EXOC4: variants seen among roughly 807,000 people sequenced by gnomAD.
The protein encoded by EXOC4 is exocyst complex component 4, also known as SEC8-like 1.
EXOC4 carries 71 observed loss-of-function variants against 107.2 expected under a neutral mutation model. That is an observed-to-expected ratio of 0.66 (90% CI 0.55 to 0.81). The LOEUF (loss-of-function observed/expected upper bound fraction) is 0.81. Ranked by LOEUF, EXOC4 falls within the 30% of genes least tolerant of loss-of-function variation. The pLI is 0.00. For synonymous variants in EXOC4, 456 were observed against 441.2 expected (o/e 1.03, Z -0.42); for missense variants, 1,108 against 1,189.6 (o/e 0.93, Z 1.01).
chr7:133,347,372 T>G (rs1256419852), intron 5 of EXOC4, among the ~76,000 whole-genome samples: 1 of 151,680 alleles, frequency 6.6e-6, no homozygotes. Flanking sequence ...ACCTCCCGAG[T>G]AGCTGGGACT....
At chr7:133,416,156 CT>C (rs1315294068) in intron 7 of EXOC4, among the ~76,000 whole-genome samples, 2 of 152,014 alleles carry the variant, frequency 1.3e-5, no homozygotes, top group African/African-American at 4.8e-5. Flanking sequence ...AATATATGCT[CT>C]ATGAGAAAAA....
intron 7 of EXOC4, among the ~76,000 whole-genome samples, chr7:133,376,598 C>G (rs1043206571): frequency 6.6e-6 from 1 of 152,170 alleles, no homozygotes; most frequent in Non-Finnish European, 1.5e-5. Flanking sequence ...AAACTATTAG[C>G]CCTTTGGTCA....
chr7:134,033,959 G>A (rs1204998683), intron 17 of EXOC4, among the ~76,000 whole-genome samples: 1 of 152,196 alleles, frequency 6.6e-6, no homozygotes, highest in Non-Finnish European at 1.5e-5. Context: ...GGCATCTTCA[G>A]ATTTATAAAG....
chr7:134,013,107 G>A (rs1234200972), intron 17 of EXOC4, among the ~76,000 whole-genome samples: 1 of 152,138 alleles, frequency 6.6e-6, no homozygotes, highest in Admixed American at 6.5e-5. Flanking sequence ...TCTACGGTAG[G>A]GTTTGATGTC....
chr7:133,461,722 A>G lies in EXOC4; in HGVS notation c.1183-13606A>G, dbSNP rs191110623. On this transcript the variant is annotated intron_variant, in intron 7 of 17. Coordinates refer to ENST00000253861, the MANE Select transcript of EXOC4 (RefSeq NM_021807.4). The stretch of plus-strand genomic sequence containing the variant: ...ACCTCAAAAAGCCTGAAGTTTCACC[A>G]TGGGTGTTGTAGTTGTACTCCAAGG... 2.9e-4 allele frequency among the ~76,000 whole-genome samples: 44 copies of G among 152,310 alleles called. 1 individual carries two copies. The highest frequency in any genetic ancestry group is 1.1e-3 in the African/African-American group (44 of 41,578).
intron 12 of EXOC4, among the ~76,000 whole-genome samples, chr7:133,909,919 A>ATTTTTTTTTTTTTTTTTT (rs764890539): frequency 1.3e-5 from 1 of 75,476 alleles, no homozygotes; most frequent in Non-Finnish European, 2.4e-5. Flanking sequence ...GTTGAGACAG[A>ATTTTTTTTTTTTTTTTTT]TTTTTTTTTT....
At chr7:133,261,043 A>G (rs1411298282) in intron 1 of EXOC4, among the ~76,000 whole-genome samples, 3 of 152,042 alleles carry the variant, frequency 2.0e-5, no homozygotes, top group Non-Finnish European at 2.9e-5. Flanking sequence ...ATACTTTTCA[A>G]TCTAAGATAC....
At chr7:133,450,512 A>T (rs535901686) in intron 7 of EXOC4, among the ~76,000 whole-genome samples, 1 of 151,876 alleles carries the variant, frequency 6.6e-6, no homozygotes, top group South Asian at 2.1e-4. Flanking sequence ...TTCCCTGTTT[A>T]CTCATTCTCA....
At chr7:133,693,890 T>C (rs1249320407) in intron 10 of EXOC4, among the ~76,000 whole-genome samples, 1 of 152,092 alleles carries the variant, frequency 6.6e-6, no homozygotes, top group Admixed American at 6.5e-5. Context: ...GGCCAGGTTG[T>C]GTAGGGGTGT....
At chr7:133,975,336 A>G (rs1793805605) in intron 14 of EXOC4, among the ~76,000 whole-genome samples, 1 of 152,174 alleles carries the variant, frequency 6.6e-6, no homozygotes, top group South Asian at 2.1e-4. Context: ...CAGCCAAACT[A>G]GAATACTAGA....
At chr7:133,338,164 A>T (rs976144321) in intron 5 of EXOC4, among the ~76,000 whole-genome samples, 5 of 151,952 alleles carry the variant, frequency 3.3e-5, no homozygotes, top group Non-Finnish European at 7.4e-5. Flanking sequence ...TTCGAGCTAG[A>T]TATTTAAATC....
At chr7:133,654,124 C>T (rs902204021) in intron 10 of EXOC4, among the ~76,000 whole-genome samples, 6 of 152,090 alleles carry the variant, frequency 3.9e-5, no homozygotes, top group African/African-American at 9.7e-5. Context: ...ATTACAGCAC[C>T]GGTTCTATGC....
At chr7:133,450,066 G>A (rs767242834) in intron 7 of EXOC4, among the ~76,000 whole-genome samples, 2 of 151,904 alleles carry the variant, frequency 1.3e-5, no homozygotes, top group Non-Finnish European at 2.9e-5. Context: ...CTTCCAGCCT[G>A]TTTTCTCTTT....
intron 7 of EXOC4, among the ~76,000 whole-genome samples, chr7:133,469,234 G>T (rs895004362): frequency 6.6e-6 from 1 of 152,068 alleles, no homozygotes; most frequent in African/African-American, 2.4e-5. Context: ...TGGCTAACAC[G>T]GTGAAACCCC....
chr7:133,923,758 T>G (rs1452527426), intron 13 of EXOC4, among the ~76,000 whole-genome samples: 1 of 152,208 alleles, frequency 6.6e-6, no homozygotes, highest in African/African-American at 2.4e-5. Context: ...TTTTAAAGTT[T>G]TAATAAATTT....
chr7:133,568,514 T>G (rs1279335225), intron 9 of EXOC4, among the ~76,000 whole-genome samples: 2 of 152,224 alleles, frequency 1.3e-5, no homozygotes, highest in Non-Finnish European at 2.9e-5. Flanking sequence ...TCAATTTGTT[T>G]GGCAATTATC....
intron 10 of EXOC4, among the ~76,000 whole-genome samples, chr7:133,781,067 GCTGT>G (rs1406031719): frequency 6.6e-6 from 1 of 152,210 alleles, no homozygotes; most frequent in African/African-American, 2.4e-5. Flanking sequence ...AGTAGAATAT[GCTGT>G]CTGTGTTCCT....
intron 5 of EXOC4, among the ~76,000 whole-genome samples, chr7:133,355,206 A>G (rs1795996157): frequency 6.6e-6 from 1 of 152,200 alleles, no homozygotes; most frequent in Admixed American, 6.5e-5. Flanking sequence ...TAAATCTACT[A>G]AGGAAGAATG....
At chr7:133,653,102 T>C (rs967114851) in intron 10 of EXOC4, among the ~76,000 whole-genome samples, 2 of 152,192 alleles carry the variant, frequency 1.3e-5, no homozygotes, top group African/African-American at 4.8e-5. Context: ...AACCTGAGGT[T>C]ATATGTTTGC....
Sources: allele counts gnomAD v4.1 joint callset (sites outside exome capture counted in the v4.1 genomes callset), GRCh38; gene constraint gnomAD v4.1.1; transcripts MANE v1.5; gene names NCBI Gene and HGNC (gene_info 2026-07-23, HGNC 2026-07-21).